Variants in JMJD1C observed in about 807,000 individuals in gnomAD.
JMJD1C encodes the protein jumonji domain-containing protein 1C.
Under a neutral mutation model 245.3 loss-of-function variants are expected in JMJD1C, and 31 were observed. The ratio of observed to expected loss-of-function variants is 0.13; its 90% CI spans 0.09 to 0.17. The LOEUF (loss-of-function observed/expected upper bound fraction) is 0.17. Ranked by LOEUF, JMJD1C falls within the 10% of genes least tolerant of loss-of-function variation. JMJD1C has a pLI of 1.00. For synonymous variants in JMJD1C, 1,057 were observed against 1,017.4 expected (o/e 1.04, Z -0.74); for missense variants, 2,691 against 3,000.2 (o/e 0.90, Z 2.41).
intron 1 of JMJD1C, among the ~76,000 whole-genome samples, chr10:63,418,312 T>C (rs1478804537): frequency 2.0e-5 from 3 of 152,210 alleles, no homozygotes; most frequent in Admixed American, 6.5e-5. Context: ...AGAATACTTA[T>C]AAAATGCATC....
intron 1 of JMJD1C, among the ~76,000 whole-genome samples, chr10:63,430,751 C>G (rs1332361950): frequency 6.6e-6 from 1 of 152,074 alleles, no homozygotes; most frequent in Non-Finnish European, 1.5e-5. Flanking sequence ...CTCAATAAAA[C>G]TATCTAATTT....
chr10:63,486,712 T>TCTCCAAATAA (rs1194410368), intron 1 of JMJD1C, among the ~76,000 whole-genome samples: 1 of 152,116 alleles, frequency 6.6e-6, no homozygotes, highest in African/African-American at 2.4e-5. Flanking sequence ...TGCATGACTT[T>TCTCCAAATAA]CTCCAAATAA....
At chr10:63,428,148 A>T (rs1041520153) in intron 1 of JMJD1C, among the ~76,000 whole-genome samples, 1 of 152,156 alleles carries the variant, frequency 6.6e-6, no homozygotes, top group Non-Finnish European at 1.5e-5. Context: ...AGAGGAGGGG[A>T]CTAAAAAAAC....
chr10:63,266,677 C>T (rs1007442594), intron 2 of JMJD1C, among the ~76,000 whole-genome samples: 1 of 151,996 alleles, frequency 6.6e-6, no homozygotes, highest in East Asian at 1.9e-4. Flanking sequence ...CAAACAGTAC[C>T]ATATCAGGTC....
intron 2 of JMJD1C, among the ~76,000 whole-genome samples, chr10:63,368,164 T>A (rs1418043394): frequency 1.3e-5 from 2 of 152,142 alleles, no homozygotes; most frequent in East Asian, 3.9e-4. Context: ...GACCCAAAAA[T>A]TTCAATTTGA....
intron 1 of JMJD1C, chr10:63,427,812 G>C (rs1950527998): frequency 8.6e-7 from 1 of 1,163,904 alleles, no homozygotes; most frequent in East Asian, 2.4e-5. Flanking sequence ...TGAAATGCAA[G>C]GCCCCTTCTA....
chr10:63,291,058 G>A (rs558600435), intron 2 of JMJD1C, among the ~76,000 whole-genome samples: 33 of 151,450 alleles, frequency 2.2e-4, no homozygotes, highest in African/African-American at 8.0e-4. Flanking sequence ...TCTAATCCCA[G>A]CACTTTGAGA....
At position 63,433,794 on chromosome 10, in the gene JMJD1C, T is replaced by C. The variant is rs142478276; in HGVS notation, c.168+31701A>G. On this transcript the variant is annotated intron_variant, in intron 1 of 25. Transcript: ENST00000399262. ...TGGGGTCCCACTATGTTACCCAGGC[T>C]GATCTTGAACTCTTGGCCTCAAGCA... Among the ~76,000 whole-genome samples, 35 of 151,228 alleles carry C rather than the reference T, an allele frequency of 2.3e-4. No individual in the cohort carries two copies. In the East Asian group the frequency reaches 6.6e-3, roughly 29 times the overall value.
intron 1 of JMJD1C, among the ~76,000 whole-genome samples, chr10:63,518,161 G>C (rs1955082317): frequency 6.6e-6 from 1 of 152,126 alleles, no homozygotes; most frequent in African/African-American, 2.4e-5. Context: ...CTGTGTATCT[G>C]AGACACAGTC....
At chr10:63,503,463 G>C (rs984110409) in intron 1 of JMJD1C, among the ~76,000 whole-genome samples, 6 of 152,130 alleles carry the variant, frequency 3.9e-5, no homozygotes, top group Middle Eastern at 3.2e-3. Flanking sequence ...AAGTTTGGGA[G>C]ACAATGGACT....
At position 63,254,362 on chromosome 10, in the gene JMJD1C, A is replaced by G. The variant is rs541432484; in HGVS notation, c.447+10289T>C. ...CCAGTGTACGCAAAATCTAGGTGAA[A>G]TTGTACAGGCAATAAAATTCAGGAA... On this transcript the variant is annotated intron_variant, in intron 3 of 25. Coordinates refer to ENST00000399262, the MANE Select transcript of JMJD1C (RefSeq NM_032776.3). Among the ~76,000 whole-genome samples the G allele has an allele frequency of 4.6e-5, 7 of 152,300 alleles. No homozygotes were observed. The East Asian group carries it at 1.3e-3, about 29-fold the overall frequency.
At chr10:63,228,117 T>C (rs1054419861) in intron 3 of JMJD1C, among the ~76,000 whole-genome samples, 1 of 152,224 alleles carries the variant, frequency 6.6e-6, no homozygotes, top group Non-Finnish European at 1.5e-5. Context: ...CAAACATTTT[T>C]TGTAAATGGC....
chr10:63,371,707 A>AG (rs1445185798), intron 2 of JMJD1C, among the ~76,000 whole-genome samples: 24 of 152,186 alleles, frequency 1.6e-4, no homozygotes, highest in African/African-American at 5.3e-4. Flanking sequence ...GAATAATGTC[A>AG]TTTTATAATC....
At chr10:63,395,104 A>G (rs1948392678) in intron 1 of JMJD1C, among the ~76,000 whole-genome samples, 1 of 152,198 alleles carries the variant, frequency 6.6e-6, no homozygotes, top group Non-Finnish European at 1.5e-5. Flanking sequence ...TAAGCACATC[A>G]AAAGATATTA....
At chr10:63,503,088 T>C (rs559096810) in intron 1 of JMJD1C, among the ~76,000 whole-genome samples, 34 of 152,300 alleles carry the variant, frequency 2.2e-4, no homozygotes, top group Admixed American at 2.1e-3. Context: ...AGCCCTTAAG[T>C]GACACACAAA....
At chr10:63,193,635 T>G (rs1845101810) in intron 14 of JMJD1C, 163 bp from the exon 15 acceptor site, 1 of 498,170 alleles carries the variant, frequency 2.0e-6, no homozygotes, top group African/African-American at 2.0e-5. Flanking sequence ...CTATTACAGT[T>G]TTGATTATTC....
At chr10:63,234,820 G>A (rs1476201983) in intron 3 of JMJD1C, among the ~76,000 whole-genome samples, 1 of 151,840 alleles carries the variant, frequency 6.6e-6, no homozygotes, top group Non-Finnish European at 1.5e-5. Context: ...CTATTAGTAC[G>A]ACATTGATTG....
At chr10:63,504,769 G>A (rs1954665455) in intron 1 of JMJD1C, among the ~76,000 whole-genome samples, 1 of 152,130 alleles carries the variant, frequency 6.6e-6, no homozygotes, top group Admixed American at 6.5e-5. Context: ...CAGACACAGA[G>A]GTGGCTCACA....
intron 2 of JMJD1C, among the ~76,000 whole-genome samples, chr10:63,330,444 T>TA (rs1328579437): frequency 6.6e-6 from 1 of 152,090 alleles, no homozygotes; most frequent in Non-Finnish European, 1.5e-5. Flanking sequence ...TCTACTTTTC[T>TA]AAAAAAATGA....
Sources: gnomAD v4.1 joint callset for allele counts (sites outside exome capture counted in the v4.1 genomes callset) on GRCh38, gnomAD v4.1.1 for gene constraint, MANE v1.5 for transcripts, NCBI Gene and HGNC (gene_info 2026-07-23, HGNC 2026-07-21) for gene names.